The following SAXO2 variants were observed in gnomAD, a reference collection of about 807,000 sequenced individuals.
SAXO2 encodes stabilizer of axonemal microtubules 2.
Under a neutral mutation model 18.7 loss-of-function variants are expected in SAXO2, and 17 were observed. The ratio of observed to expected loss-of-function variants is 0.91; its 90% confidence interval spans 0.62 to 1.36. The LOEUF (loss-of-function observed/expected upper bound fraction) is 1.36, where lower values mean the gene tolerates loss of function less well. Among genes scored for constraint, SAXO2 ranks in the 40% most tolerant of loss-of-function variants. The pLI is 0.00. For missense variants in SAXO2, 486 were observed against 562.6 expected, an observed-to-expected ratio of 0.86 and a Z score of 1.38; for synonymous variants, 163 against 181.2, an observed-to-expected ratio of 0.90 and a Z score of 0.81.
At position 82,282,813 on chromosome 15, in the gene SAXO2, G is replaced by A; in HGVS notation, c.1128G>A (p.Leu376=). The change falls in exon 4 of 4, where the codon TTG becomes TTA. Residue 376 remains leucine, a synonymous_variant. Coordinates refer to ENST00000682753, the MANE Select transcript of SAXO2 (RefSeq NM_001348699.2). ...IPNPSGKFDG[L]STFRSHYVPH... is the part of the protein sequence containing the mutation. Reference sequence around the variant, plus strand: ...ACCCATCTGGAAAATTTGATGGTTTGAGCACTTTCAGATCTCACTATGTGC... The same window carrying A: ...ACCCATCTGGAAAATTTGATGGTTTAAGCACTTTCAGATCTCACTATGTGC... The A allele has an allele frequency of 6.2e-7, 1 of 1,613,936 alleles. No individual in the cohort carries two copies. Among genetic ancestry groups the A allele is most frequent in the Non-Finnish European group, 8.5e-7 (1 of 1,179,944 alleles).
chr15:82,265,651 T>C lies in SAXO2; in HGVS notation c.136T>C (p.Tyr46His), dbSNP rs766545904. The C allele has an allele frequency of 1.8e-4, 275 of 1,487,974 alleles. No individual in the cohort carries two copies. Among genetic ancestry groups the C allele is most frequent in the Non-Finnish European group, 2.3e-4 (261 of 1,126,876 alleles). 92.2% of individuals were successfully genotyped at this position (1,487,974 alleles called of 1,614,324 possible). Reference protein sequence around the residue: ...FCPTTEYLEKYPMYDNVLPPQ... With the variant: ...FCPTTEYLEKHPMYDNVLPPQ... ...CCCTACAACTGAATATTTGGAAAAA[T>C]ATCCTATGTATGACAATGTTCTTCC... The change falls in exon 2 of 4, where the codon TAT becomes CAT. Residue 46 changes from tyrosine to histidine, a missense_variant. Transcript: ENST00000682753.
At chr15:82,280,103 C>A (rs1236133828) in intron 3 of SAXO2, among the ~76,000 whole-genome samples, 1 of 152,158 alleles carries the variant, frequency 6.6e-6, no homozygotes, top group Non-Finnish European at 1.5e-5. Context: ...AAAGATACTG[C>A]TAGAATGTTA....
intron 3 of SAXO2, 49 bp from the exon 4 acceptor site, chr15:82,282,070 T>G (rs1443178175): frequency 2.8e-6 from 4 of 1,440,124 alleles, no homozygotes; most frequent in Non-Finnish European, 3.8e-6. Context: ...AGAAGATGGT[T>G]GTTTTCTTCA....
At chr15:82,264,094 C>CA (rs2075180011) in intron 1 of SAXO2, among the ~76,000 whole-genome samples, 1 of 120,344 alleles carries the variant, frequency 8.3e-6, no homozygotes, top group East Asian at 2.4e-4. Context: ...TTTTTTGAGA[C>CA]AGAGTCTGGC....
intron 2 of SAXO2, among the ~76,000 whole-genome samples, chr15:82,269,487 T>TGAA (rs1290694463): frequency 6.6e-6 from 1 of 152,150 alleles, no homozygotes; most frequent in Non-Finnish European, 1.5e-5. Flanking sequence ...TTGAGGCTAG[T>TGAA]GAAGAAGACC....
rs114484876 is a variant in SAXO2, at chr15:82,275,524, C to G, written c.433+3722C>G. ...GTCCCTGAACACAGATGCAAAAATC[C>G]TCAAAAAATACTAGCACACTAAATC... is the stretch of plus-strand genomic sequence containing the variant. On this transcript the variant is annotated intron_variant, in intron 3 of 3. Coordinates refer to ENST00000682753, the MANE Select transcript of SAXO2 (RefSeq NM_001348699.2). Among the ~76,000 whole-genome samples the G allele has an allele frequency of 2.0e-5, 3 of 152,140 alleles. No homozygotes were observed. In the East Asian group the frequency reaches 5.8e-4, roughly 29 times the overall value.
chr15:82,271,778 T>C lies in SAXO2; in HGVS notation c.409T>C (p.Leu137=), dbSNP rs779572901. The change falls in exon 3 of 4, where the codon TTG becomes CTG. Residue 137 remains leucine (L), a synonymous_variant. Coordinates refer to ENST00000682753, the MANE Select transcript of SAXO2 (RefSeq NM_001348699.2). ...PLERQVKKGK[L]DTVPTYKDDY... Reference sequence around the variant, plus strand: ...GGAGAGACAAGTTAAAAAAGGAAAATTGGACACTGTCCCAACCTATAAAGG... The same window carrying C: ...GGAGAGACAAGTTAAAAAAGGAAAACTGGACACTGTCCCAACCTATAAAGG... 26 of 1,613,850 alleles carry C rather than the reference T, an allele frequency of 1.6e-5. No homozygotes were observed. Among genetic ancestry groups the C allele is most frequent in the Middle Eastern group, 3.3e-4 (2 of 6,084 alleles).
Position 82,282,934 on chromosome 15 carries a change from TA to T in SAXO2, c.1250del (p.Tyr417SerfsTer39). The T allele has an allele frequency of 6.2e-7, 1 of 1,614,054 alleles. No homozygotes were observed. Among genetic ancestry groups the T allele is most frequent in the Non-Finnish European group, 8.5e-7 (1 of 1,179,986 alleles). ...FDDVTMYSVE[Y>X]TPKRQEICPA... ...TGATGTAACCATGTACTCTGTAGAG[TA>T]CACACCGAAAAGACAGGAAATTTGC... On this transcript the variant is annotated frameshift_variant, in exon 4 of 4. Transcript: ENST00000682753. LOFTEE classifies it low-confidence loss of function (END_TRUNC).
chr15:82,264,063 CATTG>C (rs1567086369), intron 1 of SAXO2, among the ~76,000 whole-genome samples: 2 of 142,258 alleles, frequency 1.4e-5, no homozygotes, highest in South Asian at 2.2e-4. Flanking sequence ...TTTACATATG[CATTG>C]ATTTTTTTTT....
Position 82,262,864 on chromosome 15 carries a change from C to G in SAXO2, c.-16C>G. The G allele has an allele frequency of 6.3e-7, 1 of 1,581,790 alleles. No individual in the cohort carries two copies. Among genetic ancestry groups the G allele is most frequent in the Middle Eastern group, 1.7e-4 (1 of 6,026 alleles). On this transcript the variant is annotated 5_prime_UTR_variant, in exon 1 of 4. Transcript: ENST00000682753. ...AGTGGAGAAGCTGCAAGTGCTGAGG[C>G]GCGGTGGAGGAAAGCATGGGAGCCA...
intron 3 of SAXO2, chr15:82,272,157 A>G (rs2075277851): frequency 4.5e-6 from 1 of 224,290 alleles, no homozygotes; most frequent in Admixed American, 5.2e-5. Flanking sequence ...GAAAAAGTTG[A>G]AACTCTACCG....
chr15:82,276,644 A>C (rs2075317806), intron 3 of SAXO2, among the ~76,000 whole-genome samples: 2 of 152,172 alleles, frequency 1.3e-5, no homozygotes, highest in Admixed American at 6.5e-5. Flanking sequence ...TGCTGGAAAA[A>C]CTGGCTAACC....
Position 82,282,374 on chromosome 15 carries a change from T to C in SAXO2, c.689T>C (p.Val230Ala). The C allele has an allele frequency of 2.5e-6, 4 of 1,614,078 alleles. No homozygotes were observed. The highest frequency in any genetic ancestry group is 3.4e-6 in the Non-Finnish European group (4 of 1,180,024). The change falls in exon 4 of 4, where the codon GTT (valine) becomes GCT (alanine). Residue 230 changes from valine (V) to alanine (A), a missense_variant. Transcript: ENST00000682753. ...LELKFERPKE[V>A]YKPTDQRFED... is the part of the protein sequence containing the mutation. ...CTCAAGTTTGAAAGGCCAAAAGAAG[T>C]TTACAAACCAACTGACCAACGCTTT...
At chr15:82,275,065 A>G (rs1311674006) in intron 3 of SAXO2, among the ~76,000 whole-genome samples, 1 of 151,808 alleles carries the variant, frequency 6.6e-6, no homozygotes, top group Non-Finnish European at 1.5e-5. Context: ...AGCACAATCA[A>G]AAATCACAAA....
intron 1 of SAXO2, chr15:82,265,010 T>C: frequency 2.1e-6 from 1 of 484,374 alleles, no homozygotes; most frequent in Non-Finnish European, 3.7e-6. Context: ...CTTTTCAGCT[T>C]CTATAGTGTA....
intron 3 of SAXO2, among the ~76,000 whole-genome samples, chr15:82,272,252 G>A (rs188227139): frequency 6.6e-6 from 1 of 152,148 alleles, no homozygotes; most frequent in Non-Finnish European, 1.5e-5. Flanking sequence ...CAAAAGAGTT[G>A]CCAGATGGAG....
At position 82,282,480 on chromosome 15, in the gene SAXO2, A is replaced by C. The variant is rs571638240; in HGVS notation, c.795A>C (p.Arg265Ser). ...TAKLCRPVHT[R>S]VTQNALFEGS... The stretch of plus-strand genomic sequence containing the variant: ...AACTCTGCAGACCTGTACACACCAG[A>C]GTGACCCAGAATGCTCTGTTTGAAG... The change falls in exon 4 of 4, where the codon AGA becomes AGC. Residue 265 changes from arginine (R) to serine (S), a missense_variant. Physicochemically the swap from Arg to Ser is moderately radical, Grantham distance 110. Transcript: ENST00000682753. The C allele has an allele frequency of 1.5e-5, 24 of 1,614,198 alleles. No homozygotes were observed. In the East Asian group the frequency reaches 2.7e-4, roughly 18 times the overall value.
At position 82,282,183 on chromosome 15, in the gene SAXO2, G is replaced by C. The variant is rs139992762; in HGVS notation, c.498G>C (p.Pro166=). ...ELYKPEQTYH[P]PTVKFGNSTT... ...ATAAGCCAGAACAAACTTACCACCC[G>C]CCTACTGTGAAATTTGGAAATTCAA... Residue 166 remains proline (P), a synonymous_variant, in exon 4 of 4, where the codon CCG becomes CCC. Coordinates refer to ENST00000682753, the MANE Select transcript of SAXO2 (RefSeq NM_001348699.2). 8.1e-6 allele frequency: 13 copies of C among 1,613,934 alleles called. No individual in the cohort carries two copies. The highest frequency in any genetic ancestry group is 5.0e-5 in the Admixed American group (3 of 59,996).
intron 3 of SAXO2, among the ~76,000 whole-genome samples, chr15:82,280,513 G>A (rs2075354223): frequency 6.6e-6 from 1 of 151,978 alleles, no homozygotes; most frequent in Non-Finnish European, 1.5e-5. Context: ...AAAGACTCTG[G>A]TAAAGCTTCA....
Sources: gnomAD v4.1 joint callset for allele counts (sites outside exome capture counted in the v4.1 genomes callset) on GRCh38, gnomAD v4.1.1 for gene constraint, MANE v1.5 for transcripts, NCBI Gene and HGNC (gene_info 2026-07-23, HGNC 2026-07-21) for gene names.